Variants in ADAM2 observed in about 807,000 individuals in gnomAD.
ADAM2 encodes the protein ADAM metallopeptidase domain 2, also known as disintegrin and metalloproteinase domain-containing protein 2.
A neutral mutation model predicts 99.3 loss-of-function variants in ADAM2; 101 were observed. The ratio of observed to expected loss-of-function variants is 1.02; its 90% CI spans 0.87 to 1.20. The LOEUF is 1.20. ADAM2 is among the 50% of genes most tolerant of loss of function. ADAM2 has a pLI of 0.00. For missense variants in ADAM2, 948 were observed against 878.7 expected (o/e 1.08, Z -1.00); for synonymous variants, 323 against 287.6 (o/e 1.12, Z -1.25).
At chr8:39,812,002 A>C (rs1256928676) in intron 6 of ADAM2, among the ~76,000 whole-genome samples, 1 of 152,218 alleles carries the variant, frequency 6.6e-6, no homozygotes, top group Non-Finnish European at 1.5e-5. Flanking sequence ...CTGTTTGCAG[A>C]TGACATGATT....
chr8:39,827,333 C>T (rs1805449964), intron 3 of ADAM2, among the ~76,000 whole-genome samples: 1 of 152,010 alleles, frequency 6.6e-6, no homozygotes, highest in East Asian at 1.9e-4. Flanking sequence ...GGAGGTTTCT[C>T]AAAATGTTAA....
rs147912703 is a variant in ADAM2, at chr8:39,771,344, G to A, written c.1029-1769C>T. ...CCTTACTGACATTTGTTTTACTTCAGAATATTTACCAACAACTGGAATGTT... is the reference window on the plus strand; with the variant it reads ...CCTTACTGACATTTGTTTTACTTCAAAATATTTACCAACAACTGGAATGTT... On this transcript the variant is annotated intron_variant, in intron 11 of 20. Transcript: ENST00000265708. Among the ~76,000 whole-genome samples the A allele has an allele frequency of 7.7e-3, 1,178 of 152,144 alleles. 13 individuals carry two copies. The highest frequency in any genetic ancestry group is 0.027 in the African/African-American group (1,128 of 41,510).
At chr8:39,819,479 A>G (rs1805088802) in intron 6 of ADAM2, among the ~76,000 whole-genome samples, 1 of 152,098 alleles carries the variant, frequency 6.6e-6, no homozygotes, top group Non-Finnish European at 1.5e-5. Context: ...TGGCTGGGCC[A>G]CTGTGCCCAG....
intron 11 of ADAM2, among the ~76,000 whole-genome samples, chr8:39,773,255 A>G (rs1210377987): frequency 1.3e-5 from 2 of 151,886 alleles, no homozygotes; most frequent in Non-Finnish European, 2.9e-5. Flanking sequence ...AACACAAAGT[A>G]TCAAAAACGT....
At chr8:39,748,276 A>G (rs1189278975) in intron 18 of ADAM2, among the ~76,000 whole-genome samples, 2 of 152,136 alleles carry the variant, frequency 1.3e-5, no homozygotes, top group Non-Finnish European at 2.9e-5. Flanking sequence ...TTATTGATCA[A>G]TCATACCACT....
chr8:39,759,327 A>G (rs1478919470), intron 15 of ADAM2, among the ~76,000 whole-genome samples: 1 of 152,100 alleles, frequency 6.6e-6, no homozygotes, highest in Non-Finnish European at 1.5e-5. Context: ...AAATTCTACA[A>G]ATTAGTTAAC....
intron 7 of ADAM2, among the ~76,000 whole-genome samples, chr8:39,803,906 C>T (rs1354897227): frequency 2.6e-5 from 4 of 152,088 alleles, no homozygotes; most frequent in African/African-American, 9.7e-5. Flanking sequence ...TTGCTGATGG[C>T]CAAGAACTAA....
At chr8:39,829,543 C>T (rs1322898674) in intron 3 of ADAM2, among the ~76,000 whole-genome samples, 1 of 151,840 alleles carries the variant, frequency 6.6e-6, no homozygotes, top group Non-Finnish European at 1.5e-5. Flanking sequence ...CTTAAAACAT[C>T]TACCACTATT....
In ADAM2 at chr8:39,799,025, A is replaced by G. The variant is rs558267569; in HGVS notation, c.571-10285T>C. Among the ~76,000 whole-genome samples the G allele has an allele frequency of 4.7e-5, 7 of 150,316 alleles. No individual in the cohort carries two copies. In the South Asian group the frequency reaches 1.3e-3, roughly 27 times the overall value. On this transcript the variant is annotated intron_variant, in intron 7 of 20. Transcript: ENST00000265708. ...CATTGATTTTTTTGGAGGGGTTTTC[A>G]TGTCTCTCTCTCCTTCAATTCTTCT...
chr8:39,793,295 T>G (rs1051242608), intron 7 of ADAM2, among the ~76,000 whole-genome samples: 20 of 152,088 alleles, frequency 1.3e-4, no homozygotes, highest in Non-Finnish European at 2.1e-4. Flanking sequence ...AAATGCAAAA[T>G]GAGAGCAGCC....
At chr8:39,805,342 T>A (rs1306502996) in intron 7 of ADAM2, among the ~76,000 whole-genome samples, 3 of 152,220 alleles carry the variant, frequency 2.0e-5, no homozygotes, top group Non-Finnish European at 4.4e-5. Context: ...AGGAGTAGAA[T>A]GTTTTATTAA....
chr8:39,805,809 G>T (rs1804412244), intron 7 of ADAM2, among the ~76,000 whole-genome samples: 1 of 152,184 alleles, frequency 6.6e-6, no homozygotes, highest in Admixed American at 6.5e-5. Flanking sequence ...AACAGGGAAG[G>T]CCAACATCAC....
chr8:39,751,243 T>C (rs1801931531), intron 16 of ADAM2, among the ~76,000 whole-genome samples: 1 of 152,204 alleles, frequency 6.6e-6, no homozygotes, highest in Non-Finnish European at 1.5e-5. Flanking sequence ...AGATTAGTGC[T>C]GCTGTAGTTA....
At chr8:39,784,326 C>T (rs892165383) in intron 10 of ADAM2, among the ~76,000 whole-genome samples, 1 of 152,134 alleles carries the variant, frequency 6.6e-6, no homozygotes, top group Non-Finnish European at 1.5e-5. Flanking sequence ...CACAAATTGT[C>T]CAGTAAATTA....
chr8:39,746,735 T>G (rs878864759), intron 18 of ADAM2, 104 bp from the exon 19 acceptor site: 2 of 887,042 alleles, frequency 2.3e-6, no homozygotes, highest in Admixed American at 5.9e-5. Context: ...TTGAACAATT[T>G]AATAATTTAA....
intron 7 of ADAM2, among the ~76,000 whole-genome samples, chr8:39,791,344 T>G (rs926663758): frequency 1.3e-5 from 2 of 152,090 alleles, no homozygotes; most frequent in Admixed American, 1.3e-4. Flanking sequence ...CTATTGCTGT[T>G]TCCTCATTTC....
chr8:39,777,428 C>T (rs1803035047), intron 10 of ADAM2, among the ~76,000 whole-genome samples: 1 of 151,730 alleles, frequency 6.6e-6, no homozygotes, highest in African/African-American at 2.4e-5. Context: ...CTATGTCTAA[C>T]AACAATTACA....
chr8:39,829,741 A>G (rs1322995185), intron 3 of ADAM2, among the ~76,000 whole-genome samples: 3 of 152,030 alleles, frequency 2.0e-5, no homozygotes, highest in Non-Finnish European at 4.4e-5. Flanking sequence ...AAATGTTCAA[A>G]ATAAGATGAA....
chr8:39,747,903 T>G (rs925968932), intron 18 of ADAM2, among the ~76,000 whole-genome samples: 7 of 152,316 alleles, frequency 4.6e-5, no homozygotes, highest in Middle Eastern at 6.8e-3. Flanking sequence ...TTTCCTGCCT[T>G]TCTGTCTTCC....
Sources: allele counts gnomAD v4.1 joint callset (sites outside exome capture counted in the v4.1 genomes callset), GRCh38; gene constraint gnomAD v4.1.1; transcripts MANE v1.5; gene names NCBI Gene and HGNC (gene_info 2026-07-23, HGNC 2026-07-21).